Variants in MAPK10 observed in about 807,000 individuals in gnomAD.
MAPK10 encodes JNK3 alpha protein kinase.
A neutral mutation model predicts 59.3 loss-of-function variants in MAPK10; 25 were observed. The observed-to-expected ratio is 0.42, with a 90% CI of 0.31 to 0.59. The LOEUF (loss-of-function observed/expected upper bound fraction) is 0.59, where lower values mean the gene tolerates loss of function less well. Among genes scored for constraint, MAPK10 ranks in the 20% least tolerant of loss-of-function variants. The pLI, the probability that MAPK10 is intolerant of heterozygous loss-of-function variation, is 0.15. For missense variants in MAPK10, 351 were observed against 568.9 expected (o/e 0.62, Z 3.90); for synonymous variants, 190 against 200.5 (o/e 0.95, Z 0.44).
rs200730272 is a variant in MAPK10, at chr4:86,320,888, GA to G, written c.-7+33641del. ...CTTTCTACATATGGCAAATTTACAA[GA>G]AAAAAACAAACAACCCCATCAAAAA... is the stretch of plus-strand genomic sequence containing the variant. On this transcript the variant is annotated intron_variant, in intron 2 of 13. Transcript: ENST00000641462. 9.8e-3 allele frequency among the ~76,000 whole-genome samples: 1,491 copies of G among 151,926 alleles called. 16 individuals carry two copies. The highest frequency in any genetic ancestry group is 0.034 in the African/African-American group (1,410 of 41,482).
chr4:86,335,319 A>G (rs1409051007), intron 2 of MAPK10, among the ~76,000 whole-genome samples: 1 of 152,252 alleles, frequency 6.6e-6, no homozygotes, highest in African/African-American at 2.4e-5. Flanking sequence ...AGCTAAAGGC[A>G]AATGCCATTA....
Position 86,089,382 on chromosome 4 carries a change from C to T in MAPK10, c.802+9142G>A. ...GCCATAGAGCAATAGTCTGACTTTTCACTGACTGGATGAGAGGCCAGTGGC... is the reference window on the plus strand; with the variant it reads ...GCCATAGAGCAATAGTCTGACTTTTTACTGACTGGATGAGAGGCCAGTGGC... On this transcript the variant is annotated intron_variant, in intron 9 of 13. Transcript: ENST00000641462. The T allele has an allele frequency of 9.4e-6, 7 of 743,562 alleles. No homozygotes were observed. In the South Asian group the frequency reaches 1.2e-4, roughly 13 times the overall value. The allele number at this position is 743,562 out of a possible 1,614,324, so 46.1% of individuals were successfully genotyped here.
At chr4:86,414,203 C>A (rs2149028996) in intron 1 of MAPK10, among the ~76,000 whole-genome samples, 2 of 152,192 alleles carry the variant, frequency 1.3e-5, no homozygotes, top group South Asian at 4.1e-4. Flanking sequence ...AACAACCATT[C>A]TACCCCTCAT....
chr4:86,313,135 G>A (rs1251315621), intron 2 of MAPK10, among the ~76,000 whole-genome samples: 1 of 151,902 alleles, frequency 6.6e-6, no homozygotes, highest in Non-Finnish European at 1.5e-5. Flanking sequence ...ATTGATTAAT[G>A]GCAAAGATGC....
chr4:86,160,869 C>T (rs540049137), intron 3 of MAPK10, among the ~76,000 whole-genome samples: 4 of 152,032 alleles, frequency 2.6e-5, no homozygotes, highest in Non-Finnish European at 4.4e-5. Flanking sequence ...ACTATTTTTC[C>T]TGGAAAGTTT....
intron 1 of MAPK10, among the ~76,000 whole-genome samples, chr4:86,424,562 T>G (rs1279711855): frequency 6.6e-6 from 1 of 152,154 alleles, no homozygotes; most frequent in African/African-American, 2.4e-5. Flanking sequence ...CTGCCTAGTC[T>G]GTTTGTGAAG....
intron 2 of MAPK10, among the ~76,000 whole-genome samples, chr4:86,209,509 A>G (rs1257819675): frequency 2.0e-5 from 3 of 152,106 alleles, no homozygotes; most frequent in Non-Finnish European, 4.4e-5. Context: ...CAGAAACAAA[A>G]CAAAACAAAA....
intron 4 of MAPK10, among the ~76,000 whole-genome samples, chr4:86,136,711 G>C (rs537878209): frequency 6.7e-6 from 1 of 149,692 alleles, no homozygotes; most frequent in Non-Finnish European, 1.5e-5. Context: ...AAATGGACTA[G>C]ATGCTCCAAT....
intron 4 of MAPK10, among the ~76,000 whole-genome samples, chr4:86,135,693 C>T (rs535716558): frequency 6.6e-6 from 1 of 152,100 alleles, no homozygotes; most frequent in Non-Finnish European, 1.5e-5. Context: ...TGGAGAATGA[C>T]TTTGACGAGC....
At chr4:86,047,498 G>A (rs2042724991) in intron 11 of MAPK10, among the ~76,000 whole-genome samples, 1 of 152,156 alleles carries the variant, frequency 6.6e-6, no homozygotes, top group South Asian at 2.1e-4. Flanking sequence ...GTAGGCAGGA[G>A]CCAGACTAAG....
At chr4:86,551,058 T>G (rs1759736128) in intron 1 of MAPK10, among the ~76,000 whole-genome samples, 1 of 152,238 alleles carries the variant, frequency 6.6e-6, no homozygotes, top group African/African-American at 2.4e-5. Context: ...AGAAGAACTC[T>G]GTGAACACAA....
At chr4:86,537,427 G>A (rs553182625) in intron 1 of MAPK10, among the ~76,000 whole-genome samples, 4 of 152,168 alleles carry the variant, frequency 2.6e-5, no homozygotes, top group Non-Finnish European at 4.4e-5. Context: ...TATCCCAATA[G>A]TAATAATTGC....
intron 4 of MAPK10, among the ~76,000 whole-genome samples, chr4:86,148,909 T>C (rs903267658): frequency 6.6e-6 from 1 of 152,152 alleles, no homozygotes; most frequent in Non-Finnish European, 1.5e-5. Flanking sequence ...AAGAACACTT[T>C]TAAAATACAA....
intron 4 of MAPK10, among the ~76,000 whole-genome samples, chr4:86,127,293 A>G (rs1243339383): frequency 2.0e-5 from 3 of 151,770 alleles, no homozygotes; most frequent in African/African-American, 7.3e-5. Flanking sequence ...TTGCATTGAG[A>G]GCATAGTACA....
intron 9 of MAPK10, among the ~76,000 whole-genome samples, chr4:86,085,976 T>G (rs1444016812): frequency 6.6e-6 from 1 of 152,034 alleles, no homozygotes; most frequent in African/African-American, 2.4e-5. Context: ...TGAGAACACA[T>G]GGACACAGGG....
rs542266028 is a variant in MAPK10, at chr4:86,518,604, A to T, written c.-263+75306T>A. ...TATCTTTTGTATTTTTTTGGTTTCA[A>T]TTTCATTTAGTTCTGCTCTGATCTT... On this transcript the variant is annotated intron_variant, in intron 1 of 4. Transcript: ENST00000502302. Among the ~76,000 whole-genome samples the T allele has an allele frequency of 4.2e-5, 6 of 143,660 alleles. No individual in the cohort carries two copies. The South Asian group carries it at 1.1e-3, about 26-fold the overall frequency. 94.2% of individuals were successfully genotyped at this position (143,660 alleles called of 152,430 possible). A position where few individuals can be genotyped will look rare whatever the true frequency, so the allele number is the denominator to read the frequency against.
At chr4:86,218,394 A>T (rs1488452978) in intron 2 of MAPK10, among the ~76,000 whole-genome samples, 1 of 151,966 alleles carries the variant, frequency 6.6e-6, no homozygotes, top group East Asian at 1.9e-4. Context: ...GTTAGCCAGG[A>T]TGGTGATCCG....
At chr4:86,274,418 A>G (rs998678518) in intron 2 of MAPK10, among the ~76,000 whole-genome samples, 7 of 152,010 alleles carry the variant, frequency 4.6e-5, no homozygotes, top group Non-Finnish European at 7.4e-5. Flanking sequence ...CATCTCTTGG[A>G]AAATGTTAAA....
chr4:86,535,327 GGGC>G (rs1296376483), intron 1 of MAPK10, among the ~76,000 whole-genome samples: 1 of 152,124 alleles, frequency 6.6e-6, no homozygotes, highest in African/African-American at 2.4e-5. Flanking sequence ...CATTCAAAAT[GGGC>G]AACCCAAGCA....
Sources: gnomAD v4.1 joint callset for allele counts (sites outside exome capture counted in the v4.1 genomes callset) on GRCh38, gnomAD v4.1.1 for gene constraint, MANE v1.5 for transcripts, NCBI Gene and HGNC (gene_info 2026-07-23, HGNC 2026-07-21) for gene names.